Variants in ZNF367 observed in about 807,000 individuals in gnomAD.
ZNF367 encodes the protein C2H2 zinc finger protein ZFF29.
A neutral mutation model predicts 31.8 loss-of-function variants in ZNF367; 11 were observed. The ratio of observed to expected loss-of-function variants is 0.35; its 90% CI spans 0.22 to 0.57. ZNF367 has a LOEUF of 0.57. Among genes scored for constraint, ZNF367 ranks in the 20% least tolerant of loss-of-function variants. The pLI is 0.85. For missense variants in ZNF367, 353 were observed against 484.1 expected (o/e 0.73, Z 2.54); for synonymous variants, 199 against 202.4 (o/e 0.98, Z 0.14).
chr9:96,387,174 T>C lies in ZNF367; in HGVS notation c.*1063A>G, dbSNP rs777220181. ...TTTGAGTAGCTAATATTTTCTGCAG[T>C]GTTTAACTGATAGCTAAATTTAGTG... On this transcript the variant is annotated 3_prime_UTR_variant, in exon 5 of 5. Coordinates refer to ENST00000375256, the MANE Select transcript of ZNF367 (RefSeq NM_153695.4). 1 of 152,238 alleles carries C rather than the reference T, an allele frequency of 6.6e-6. No homozygotes were observed. The highest frequency in any genetic ancestry group is 1.5e-5 in the Non-Finnish European group (1 of 68,036). The allele number at this position is 152,238 out of a possible 1,614,324, so 9.4% of individuals were successfully genotyped here. A position where few individuals can be genotyped will look rare whatever the true frequency, so the allele number is the denominator to read the frequency against.
At chr9:96,400,042 C>T (rs1261247408) in intron 1 of ZNF367, among the ~76,000 whole-genome samples, 2 of 152,028 alleles carry the variant, frequency 1.3e-5, no homozygotes, top group Admixed American at 6.6e-5. Flanking sequence ...TGTTACAAAG[C>T]ATGTGAAGAA....
rs762924933 is a variant in ZNF367, at chr9:96,392,424, G to A, written c.804C>T (p.Asn268=). 2.5e-5 allele frequency: 40 copies of A among 1,614,114 alleles called. No individual in the cohort carries two copies. The highest frequency in any genetic ancestry group is 1.5e-4 in the Admixed American group (9 of 60,008). ...DTLSKHQAAD[N]KAAAEWLARY... is the part of the protein sequence containing the mutation. ...TCGCCAGCCACTCGGCCGCGGCCTT[G>A]TTGTCGGCAGCCTGATGTTTGCTGA... The change falls in exon 4 of 5, where the codon AAC becomes AAT. Residue 268 remains asparagine (N), a synonymous_variant. Coordinates refer to ENST00000375256, the MANE Select transcript of ZNF367 (RefSeq NM_153695.4).
intron 1 of ZNF367, among the ~76,000 whole-genome samples, chr9:96,413,872 A>T (rs1245374823): frequency 6.6e-6 from 1 of 152,140 alleles, no homozygotes; most frequent in Non-Finnish European, 1.5e-5. Flanking sequence ...CAAAGAATAG[A>T]CAGTAAATGA....
At chr9:96,392,144 T>C (rs1355756987) in intron 4 of ZNF367, among the ~76,000 whole-genome samples, 2 of 152,194 alleles carry the variant, frequency 1.3e-5, no homozygotes, top group Non-Finnish European at 2.9e-5. Context: ...TTTTTCAAAA[T>C]AGGAAAACTC....
chr9:96,408,389 C>T (rs1466331512), intron 1 of ZNF367, among the ~76,000 whole-genome samples: 1 of 152,172 alleles, frequency 6.6e-6, no homozygotes, highest in Non-Finnish European at 1.5e-5. Flanking sequence ...GTGCTATATA[C>T]AGTTTAGCCT....
intron 3 of ZNF367, among the ~76,000 whole-genome samples, chr9:96,393,315 G>A (rs1227984790): frequency 6.6e-6 from 1 of 152,054 alleles, no homozygotes; most frequent in East Asian, 1.9e-4. Context: ...CCTGAGGTCA[G>A]CAGTTCAAAA....
chr9:96,392,183 C>T, intron 4 of ZNF367: 1 of 630,212 alleles, frequency 1.6e-6, no homozygotes, highest in South Asian at 2.2e-5. Context: ...GTAGTCTGGG[C>T]ACTCTAATTA....
chr9:96,400,552 CAAAA>C (rs1236136690), intron 1 of ZNF367, among the ~76,000 whole-genome samples: 1 of 146,370 alleles, frequency 6.8e-6, no homozygotes. Context: ...CTAAAACAAA[CAAAA>C]AAAAAACTTC....
chr9:96,403,473 T>G (rs372338602), intron 1 of ZNF367, among the ~76,000 whole-genome samples: 79 of 151,794 alleles, frequency 5.2e-4, no homozygotes, highest in African/African-American at 1.9e-3. Flanking sequence ...ATTCCAGGGG[T>G]TTTTTTTCTT....
intron 1 of ZNF367, among the ~76,000 whole-genome samples, chr9:96,401,337 CCAA>C (rs904844623): frequency 6.6e-6 from 1 of 151,974 alleles, no homozygotes; most frequent in African/African-American, 2.4e-5. Context: ...ACCGGCCTGA[CCAA>C]CATGGCGAAA....
In ZNF367 at chr9:96,394,866, C is replaced by T; in HGVS notation, c.648G>A (p.Gln216=). 1 of 1,614,136 alleles carries T rather than the reference C, an allele frequency of 6.2e-7. No individual in the cohort carries two copies. The highest frequency in any genetic ancestry group is 1.1e-5 in the South Asian group (1 of 91,082). ...AAGGTTTCTCTCCGGTGTGAAGACGCTGATGTGTTTTGAGCTGTCCACTTT... is the reference window on the plus strand; with the variant it reads ...AAGGTTTCTCTCCGGTGTGAAGACGTTGATGTGTTTTGAGCTGTCCACTTT... ...FVQSGQLKTH[Q]RLHTGEKPFV... is the part of the protein sequence containing the mutation. The change falls in exon 3 of 5, where the codon CAG becomes CAA. Residue 216 remains glutamine, a synonymous_variant. Transcript: ENST00000375256.
chr9:96,409,994 G>A (rs577915614), intron 1 of ZNF367, among the ~76,000 whole-genome samples: 4 of 152,362 alleles, frequency 2.6e-5, no homozygotes, highest in African/African-American at 9.6e-5. Context: ...AAAAACCACA[G>A]GCCAGGCGCG....
In ZNF367 at chr9:96,417,687, C is replaced by T; in HGVS notation, c.346G>A (p.Ala116Thr). 1 of 1,132,982 alleles carries T rather than the reference C, an allele frequency of 8.8e-7. No homozygotes were observed. Among genetic ancestry groups the T allele is most frequent in the Non-Finnish European group, 1.1e-6 (1 of 906,844 alleles). 70.2% of individuals were successfully genotyped at this position (1,132,982 alleles called of 1,614,324 possible). A position where few individuals can be genotyped will look rare whatever the true frequency, so the allele number is the denominator to read the frequency against. Residue 116 changes from alanine to threonine, a missense_variant, in exon 1 of 5, where the codon GCC becomes ACC. This residue lies in a region of ZNF367 where 70 missense variants were observed against 57.1 expected (regional missense o/e 1.23). Coordinates refer to ENST00000375256, the MANE Select transcript of ZNF367 (RefSeq NM_153695.4). This position sits in a 1 kb window ranked among gnomAD's most constrained non-coding sequence, Gnocchi z 5.0. Reference sequence around the variant, plus strand: ...CCCGAGGCGGCGGCGGAGGCCGAGGCGGCGGGCGGGGGCGCGCCCCGGCCA... The same window carrying T: ...CCCGAGGCGGCGGCGGAGGCCGAGGTGGCGGGCGGGGGCGCGCCCCGGCCA... The part of the protein sequence containing the change: ...LRGRGAPPPA[A>T]SASAAASGGE...
At chr9:96,401,643 G>C (rs1175025593) in intron 1 of ZNF367, among the ~76,000 whole-genome samples, 1 of 122,882 alleles carries the variant, frequency 8.1e-6, no homozygotes, top group African/African-American at 3.3e-5. Flanking sequence ...GGCAACAAGA[G>C]CGAAGCTCCG....
In ZNF367 at chr9:96,417,251, A is replaced by G. The variant is rs961194242; in HGVS notation, c.420+362T>C. ...CACTGTGCGCTCCCTGCCCTCTCGC[A>G]GTCGGTGGAACAACTCAAGGCCCTC... On this transcript the variant is annotated intron_variant, in intron 1 of 4. Coordinates refer to ENST00000375256, the MANE Select transcript of ZNF367 (RefSeq NM_153695.4). The surrounding 1 kb of genome is among the most constrained non-coding windows in gnomAD (Gnocchi z 5.0). Among the ~76,000 whole-genome samples the G allele has an allele frequency of 2.0e-5, 3 of 152,268 alleles. No individual in the cohort carries two copies. The highest frequency in any genetic ancestry group is 2.1e-4 in the South Asian group (1 of 4,824).
intron 1 of ZNF367, among the ~76,000 whole-genome samples, chr9:96,406,656 T>C (rs1831674240): frequency 6.6e-6 from 1 of 152,106 alleles, no homozygotes; most frequent in Non-Finnish European, 1.5e-5. Context: ...AAGAAATATG[T>C]TTTATGTTGG....
rs1831865339 is a variant in ZNF367 at position 96,418,330 on chromosome 9, G to A, written c.-298C>T. 1 of 373,208 alleles carries A rather than the reference G, an allele frequency of 2.7e-6. No individual in the cohort carries two copies. Among genetic ancestry groups the A allele is most frequent in the Middle Eastern group, 6.7e-4 (1 of 1,484 alleles). 23.1% of individuals were successfully genotyped at this position (373,208 alleles called of 1,614,324 possible). On this transcript the variant is annotated 5_prime_UTR_variant, in exon 1 of 5. Coordinates refer to ENST00000375256, the MANE Select transcript of ZNF367 (RefSeq NM_153695.4). The stretch of plus-strand genomic sequence containing the variant: ...TTGCGGTGACAGGAAAGCAGGACGC[G>A]CGGCGCTGAGCCCCCAAAAATAACA...
intron 1 of ZNF367, among the ~76,000 whole-genome samples, chr9:96,411,958 G>C (rs1831756628): frequency 6.6e-6 from 1 of 152,150 alleles, no homozygotes; most frequent in Non-Finnish European, 1.5e-5. Flanking sequence ...CTCCCAAGTA[G>C]CTGGGACTAT....
At chr9:96,410,088 C>G (rs781161857) in intron 1 of ZNF367, among the ~76,000 whole-genome samples, 2 of 144,922 alleles carry the variant, frequency 1.4e-5, no homozygotes, top group Non-Finnish European at 3.0e-5. Context: ...ATGGTGAAAC[C>G]CTGTCTCTAC....
Sources: allele counts gnomAD v4.1 joint callset (sites outside exome capture counted in the v4.1 genomes callset), GRCh38; gene constraint gnomAD v4.1.1; regional missense constraint gnomAD v4.1.1; non-coding constraint Gnocchi (gnomAD v3.1); transcripts MANE v1.5; gene names NCBI Gene and HGNC (gene_info 2026-07-23, HGNC 2026-07-21).